The following CELF2 variants were observed in gnomAD, a reference collection of about 807,000 sequenced individuals.
CELF2 encodes CUGBP Elav-like family member 2.
CELF2 carries 8 observed loss-of-function variants against 62.6 expected under a neutral mutation model. The ratio of observed to expected loss-of-function variants is 0.13; its 90% CI spans 0.07 to 0.23. The LOEUF (loss-of-function observed/expected upper bound fraction) is 0.23, where lower values mean the gene tolerates loss of function less well. Among genes scored for constraint, CELF2 ranks in the 10% least tolerant of loss-of-function variants. The pLI, the probability that CELF2 is intolerant of heterozygous loss-of-function variation, is 1.00. For synonymous variants in CELF2, 258 were observed against 250.0 expected (o/e 1.03, Z -0.30); for missense variants, 333 against 671.0 (o/e 0.50, Z 5.56).
chr10:11,026,561 T>C (rs539815199), intron 1 of CELF2, among the ~76,000 whole-genome samples: 77 of 152,348 alleles, frequency 5.1e-4, no homozygotes, highest in Admixed American at 1.2e-3. Context: ...TTTACTTCGT[T>C]GTTTTGCTCT....
rs565138079 is a variant in CELF2, at chr10:11,065,877, G to C, written c.74+47714G>C. ...GGTTGCAGTTTTAAATAGGGTATCA[G>C]GGTAGGCTTTCTCCGGAAGGAGCAA... On this transcript the variant is annotated intron_variant, in intron 1 of 12. Coordinates refer to ENST00000633077, the MANE Select transcript of CELF2 (RefSeq NM_001326342.2). Among the ~76,000 whole-genome samples, 4 of 152,272 alleles carry C rather than the reference G, an allele frequency of 2.6e-5. No homozygotes were observed. In the South Asian group the frequency reaches 8.3e-4, roughly 32 times the overall value.
the CELF2 span, among the ~76,000 whole-genome samples, chr10:10,706,381 G>A: frequency 3.3e-5 from 5 of 152,152 alleles, no homozygotes; most frequent in East Asian, 3.9e-4. Flanking sequence ...TGCAGGGGAA[G>A]TTTGCATTAA....
At chr10:10,559,414 T>C in the CELF2 span, among the ~76,000 whole-genome samples, 6 of 152,222 alleles carry the variant, frequency 3.9e-5, no homozygotes, top group African/African-American at 9.6e-5. Context: ...CCACAGAATG[T>C]TACAAGGGTT....
chr10:10,510,714 A>G, the CELF2 span, among the ~76,000 whole-genome samples: 71,929 of 152,080 alleles, frequency 0.47, 18,251 homozygotes, highest in African/African-American at 0.64. Flanking sequence ...GTATCAGATA[A>G]TGATAAGTGT....
chr10:10,636,584 T>C, the CELF2 span, among the ~76,000 whole-genome samples: 1 of 152,266 alleles, frequency 6.6e-6, no homozygotes, highest in African/African-American at 2.4e-5. Context: ...CATCTTCAAT[T>C]TCCCCAACCA....
chr10:11,012,876 AT>A (rs34181152), upstream of CELF2, among the ~76,000 whole-genome samples: 149 of 148,264 alleles, frequency 1.0e-3, no homozygotes, highest in Middle Eastern at 3.5e-3. This position sits in a 1 kb window ranked among gnomAD's most constrained non-coding sequence, Gnocchi z 5.5. Context: ...TCTTCAAAGG[AT>A]TTTTTTTTTT....
At chr10:11,326,422 G>A (rs1283000734) in intron 12 of CELF2, among the ~76,000 whole-genome samples, 1 of 152,212 alleles carries the variant, frequency 6.6e-6, no homozygotes, top group African/African-American at 2.4e-5. Flanking sequence ...CACGTGCCCG[G>A]GATGAGCAGT....
chr10:10,695,555 C>T, the CELF2 span, among the ~76,000 whole-genome samples: 1 of 151,046 alleles, frequency 6.6e-6, no homozygotes, highest in Non-Finnish European at 1.5e-5. Context: ...CGTTGGCCTG[C>T]CTTGCTAGAT....
the CELF2 span, among the ~76,000 whole-genome samples, chr10:10,652,009 A>T: frequency 3.3e-5 from 5 of 151,190 alleles, no homozygotes; most frequent in East Asian, 9.7e-4. Context: ...AGAATAACCA[A>T]TACAGAGAAG....
intron 2 of CELF2, among the ~76,000 whole-genome samples, chr10:11,180,655 A>G (rs1267363664): frequency 6.6e-6 from 1 of 152,208 alleles, no homozygotes; most frequent in Non-Finnish European, 1.5e-5. Flanking sequence ...AGTATTGACA[A>G]TAAGAATAAT....
At chr10:10,712,690 A>T in the CELF2 span, among the ~76,000 whole-genome samples, 1 of 152,184 alleles carries the variant, frequency 6.6e-6, no homozygotes, top group Non-Finnish European at 1.5e-5. Flanking sequence ...CAAAGTACAG[A>T]CGTTTGATTC....
chr10:11,146,455 A>G (rs116416743), intron 1 of CELF2, among the ~76,000 whole-genome samples: 1,781 of 152,332 alleles, frequency 0.012, 29 homozygotes, highest in African/African-American at 0.041. Flanking sequence ...CATAATGAGG[A>G]AATATCTTTG....
chr10:11,323,451 TA>T (rs2095556114), intron 11 of CELF2, among the ~76,000 whole-genome samples: 1 of 148,804 alleles, frequency 6.7e-6, no homozygotes, highest in East Asian at 2.0e-4. Flanking sequence ...ATAATAATAA[TA>T]ATAATAATAA....
chr10:10,885,316 T>C (rs966921238), intron 1 of CELF2, among the ~76,000 whole-genome samples: 4 of 152,004 alleles, frequency 2.6e-5, no homozygotes, highest in Admixed American at 2.6e-4. Flanking sequence ...CGCTAGTGTA[T>C]ATGCTGGAGA....
At chr10:11,292,939 C>G (rs973739827) in intron 9 of CELF2, among the ~76,000 whole-genome samples, 43 of 152,214 alleles carry the variant, frequency 2.8e-4, no homozygotes, top group African/African-American at 1.0e-3. Context: ...CTTCTCTCTC[C>G]TTGTACTACT....
At chr10:10,806,839 A>G (rs2055286473) in intron 1 of CELF2, among the ~76,000 whole-genome samples, 1 of 152,170 alleles carries the variant, frequency 6.6e-6, no homozygotes. Context: ...AGATGGAAGG[A>G]TCCAGTCCGG....
At chr10:10,866,607 CAAAAAAAAAAAA>C (rs55875778) in intron 1 of CELF2, among the ~76,000 whole-genome samples, 535 of 52,536 alleles carry the variant, frequency 0.01, 6 homozygotes, top group South Asian at 0.055. Context: ...TCCATCCTCT[CAAAAAAAAAAAA>C]AAAAAAAAAA....
intron 5 of CELF2, 33 bp downstream of exon 5, chr10:11,257,905 C>A (rs764773532): frequency 1.2e-6 from 2 of 1,612,118 alleles, no homozygotes; most frequent in Non-Finnish European, 8.5e-7. Context: ...CTCTCCCCTT[C>A]AGTGCTAATT....
the CELF2 span, among the ~76,000 whole-genome samples, chr10:10,627,982 A>G: frequency 3.3e-5 from 5 of 152,176 alleles, no homozygotes; most frequent in African/African-American, 9.7e-5. Context: ...AGCTCACTGC[A>G]GCCTCTGCCT....
Sources: allele counts gnomAD v4.1 joint callset (sites outside exome capture counted in the v4.1 genomes callset), GRCh38; gene constraint gnomAD v4.1.1; non-coding constraint Gnocchi (gnomAD v3.1); transcripts MANE v1.5; gene names NCBI Gene and HGNC (gene_info 2026-07-23, HGNC 2026-07-21).